Variants in PDE1C observed in about 807,000 individuals in gnomAD.
PDE1C encodes dual specificity calcium/calmodulin-dependent 3',5'-cyclic nucleotide phosphodiesterase 1C.
A neutral mutation model predicts 93.1 loss-of-function variants in PDE1C; 62 were observed. That is an observed-to-expected ratio of 0.67 (90% confidence interval 0.54 to 0.82). The LOEUF is 0.82. Ranked by LOEUF, PDE1C falls within the 40% of genes least tolerant of loss-of-function variation. The pLI is 0.00. For missense variants in PDE1C, 742 were observed against 884.6 expected (o/e 0.84, Z 2.04); for synonymous variants, 325 against 310.1 (o/e 1.05, Z -0.50).
chr7:32,205,761 A>G (rs1031869024), intron 2 of PDE1C, among the ~76,000 whole-genome samples: 9 of 152,160 alleles, frequency 5.9e-5, no homozygotes, highest in Admixed American at 5.2e-4. Context: ...CAGCGAGACC[A>G]TGAAGCAACC....
At chr7:31,769,260 T>G (rs1795329311) in intron 17 of PDE1C, among the ~76,000 whole-genome samples, 1 of 152,250 alleles carries the variant, frequency 6.6e-6, no homozygotes, top group African/African-American at 2.4e-5. Flanking sequence ...CTTCATTGTC[T>G]TCTGGCTTCT....
chr7:31,685,170 T>C, the PDE1C span, among the ~76,000 whole-genome samples: 43 of 151,724 alleles, frequency 2.8e-4, no homozygotes, highest in Non-Finnish European at 5.7e-4. Flanking sequence ...TATTATTCCA[T>C]TATTAAAACA....
Position 31,996,544 on chromosome 7 carries a change from G to A in PDE1C, c.128+55010C>T, listed in dbSNP as rs540426168. 4.9e-4 allele frequency among the ~76,000 whole-genome samples: 74 copies of A among 152,274 alleles called. 3 individuals are homozygous for A. The highest frequency in any genetic ancestry group is 4.8e-3 in the Admixed American group (74 of 15,294). ...TATAGAATAAAGTCAGTGAGACTAA[G>A]GTCACACAAGACAGACACATGGAAG... On this transcript the variant is annotated intron_variant, in intron 2 of 17. Coordinates refer to ENST00000396191, the MANE Select transcript of PDE1C (RefSeq NM_001191057.4).
chr7:31,875,238 C>T (rs1796397763), intron 5 of PDE1C, among the ~76,000 whole-genome samples: 1 of 152,010 alleles, frequency 6.6e-6, no homozygotes, highest in African/African-American at 2.4e-5. Context: ...TCCTAGTGTC[C>T]AGAAAGGAAA....
intron 2 of PDE1C, among the ~76,000 whole-genome samples, chr7:31,994,255 AC>A (rs1358529341): frequency 1.1e-4 from 16 of 152,130 alleles, no homozygotes; most frequent in Non-Finnish European, 2.2e-4. Context: ...TAGTTTTCTC[AC>A]CTGGATGTGT....
chr7:31,709,849 T>C, the PDE1C span, among the ~76,000 whole-genome samples: 1 of 152,256 alleles, frequency 6.6e-6, no homozygotes, highest in Non-Finnish European at 1.5e-5. Context: ...TGAATAATAG[T>C]TATATTAAGA....
At chr7:32,425,045 C>T (rs1785501066) in intron 1 of PDE1C, among the ~76,000 whole-genome samples, 1 of 151,986 alleles carries the variant, frequency 6.6e-6, no homozygotes, top group Non-Finnish European at 1.5e-5. Flanking sequence ...GCATCCATCC[C>T]ACAATCTCAT....
intron 16 of PDE1C, among the ~76,000 whole-genome samples, chr7:31,777,993 A>G (rs1783127211): frequency 6.6e-6 from 1 of 152,116 alleles, no homozygotes; most frequent in Non-Finnish European, 1.5e-5. Context: ...TATAAATATG[A>G]CTTCCAAGCT....
chr7:31,718,079 G>A, the PDE1C span, among the ~76,000 whole-genome samples: 1 of 152,134 alleles, frequency 6.6e-6, no homozygotes, highest in African/African-American at 2.4e-5. Flanking sequence ...TTGGCTTCTG[G>A]AGAATATTAA....
upstream of PDE1C, chr7:32,299,484 G>C (rs972968551): frequency 3.3e-6 from 3 of 916,866 alleles, no homozygotes; most frequent in African/African-American, 5.4e-5. Context: ...ATTAGAACTC[G>C]CCCCTTACCA....
At chr7:31,865,194 A>G (rs1795146767) in intron 6 of PDE1C, 112 bp from the exon 7 acceptor site, 1 of 945,218 alleles carries the variant, frequency 1.1e-6, no homozygotes, top group Admixed American at 2.4e-5. Flanking sequence ...CACATGAGGA[A>G]ATTGGAACTT....
At chr7:32,189,111 T>G (rs1804065058) in intron 2 of PDE1C, among the ~76,000 whole-genome samples, 1 of 152,190 alleles carries the variant, frequency 6.6e-6, no homozygotes, top group African/African-American at 2.4e-5. Context: ...TCTGGTGCAG[T>G]GGATCACTAT....
intron 1 of PDE1C, among the ~76,000 whole-genome samples, chr7:32,343,726 T>G (rs1038455618): frequency 3.9e-5 from 6 of 152,206 alleles, no homozygotes; most frequent in African/African-American, 1.4e-4. Flanking sequence ...CCTTTGTAAT[T>G]TCCCAATCTC....
At chr7:31,829,804 G>C (rs1304607180) in intron 11 of PDE1C, among the ~76,000 whole-genome samples, 1 of 152,156 alleles carries the variant, frequency 6.6e-6, no homozygotes, top group Admixed American at 6.5e-5. Context: ...TTCCTCCTGA[G>C]TGATTTCTAC....
At chr7:32,408,864 A>T (rs1785110855) in intron 1 of PDE1C, among the ~76,000 whole-genome samples, 1 of 152,222 alleles carries the variant, frequency 6.6e-6, no homozygotes, top group Non-Finnish European at 1.5e-5. Flanking sequence ...TTTAAAGTCT[A>T]GATGAAAAAG....
intron 14 of PDE1C, 32 bp downstream of exon 14, chr7:31,823,041 G>T: frequency 6.5e-7 from 1 of 1,541,906 alleles, no homozygotes. Flanking sequence ...GTTTTATGCT[G>T]AATTGGTTTG....
intron 2 of PDE1C, among the ~76,000 whole-genome samples, chr7:31,903,765 A>C (rs1236997700): frequency 2.0e-5 from 3 of 152,144 alleles, no homozygotes; most frequent in Non-Finnish European, 4.4e-5. Context: ...GCCTGAGTCA[A>C]ATAGGAAGTC....
rs141461806 is a variant in PDE1C, at chr7:32,375,160, G to A, written c.310+52662C>T. Among the ~76,000 whole-genome samples the A allele has an allele frequency of 2.4e-4, 36 of 152,292 alleles. No homozygotes were observed. The East Asian group carries it at 6.7e-3, about 29-fold the overall frequency. ...CTGGGCTCACGGGGCCTGGAGAGAA[G>A]GCAATACCAAGAAGAGAGCTATGTA... On this transcript the variant is annotated intron_variant, in intron 1 of 1. Transcript: ENST00000672256.
chr7:31,691,528 C>T, the PDE1C span, among the ~76,000 whole-genome samples: 1 of 152,098 alleles, frequency 6.6e-6, no homozygotes, highest in Non-Finnish European at 1.5e-5. Flanking sequence ...TAATGCATTT[C>T]TCCTTCAGAC....
Sources: gnomAD v4.1 joint callset for allele counts (sites outside exome capture counted in the v4.1 genomes callset) on GRCh38, gnomAD v4.1.1 for gene constraint, MANE v1.5 for transcripts, NCBI Gene and HGNC (gene_info 2026-07-23, HGNC 2026-07-21) for gene names.